TMBIM1: variants seen among roughly 807,000 people sequenced by gnomAD.
TMBIM1 encodes transmembrane BAX inhibitor motif containing 1.
TMBIM1 carries 34 observed loss-of-function variants against 45.1 expected under a neutral mutation model. The observed-to-expected ratio is 0.75, with a 90% CI of 0.57 to 1.00. TMBIM1 has a LOEUF of 1.00. TMBIM1 is among the 50% of genes least tolerant of loss of function. The pLI is 0.00. For synonymous variants in TMBIM1, 157 were observed against 153.5 expected, an observed-to-expected ratio of 1.02 and a Z score of -0.17; for missense variants, 374 against 402.4, an observed-to-expected ratio of 0.93 and a Z score of 0.60.
At chr2:218,290,668 A>G (rs1403246642) in intron 1 of TMBIM1, among the ~76,000 whole-genome samples, 1 of 152,238 alleles carries the variant, frequency 6.6e-6, no homozygotes, top group Non-Finnish European at 1.5e-5. Context: ...GGCAAAGCAC[A>G]AATCATTACA....
intron 1 of TMBIM1, among the ~76,000 whole-genome samples, chr2:218,284,696 A>G (rs1268447167): frequency 6.6e-6 from 1 of 152,184 alleles, no homozygotes; most frequent in Non-Finnish European, 1.5e-5. Context: ...AACTACCATG[A>G]CCATTTCAAC....
chr2:218,289,879 G>C (rs1032682913), intron 1 of TMBIM1: 5 of 152,236 alleles, frequency 3.3e-5, no homozygotes, highest in Admixed American at 3.3e-4. Flanking sequence ...CCTACGGCCA[G>C]CTCTTCCTGG....
chr2:218,277,480 A>G, intron 8 of TMBIM1, 27 bp from the exon 9 acceptor site: 1 of 1,612,714 alleles, frequency 6.2e-7, no homozygotes, highest in Non-Finnish European at 8.5e-7. Flanking sequence ...GTTACAGACA[A>G]GAGGCATTAA....
At chr2:218,279,933 AATTGATG>A (rs1691696477) in intron 3 of TMBIM1, 86 bp downstream of exon 3, 8 of 913,850 alleles carry the variant, frequency 8.8e-6, no homozygotes, top group Non-Finnish European at 1.5e-5. Flanking sequence ...TATTTCATGG[AATTGATG>A]CCCTGGGGCT....
intron 2 of TMBIM1, chr2:218,280,528 C>G (rs1691800240): frequency 3.8e-6 from 1 of 261,768 alleles, no homozygotes; most frequent in Non-Finnish European, 7.5e-6. Flanking sequence ...GTTTGTGCAG[C>G]AGCAGGGATA....
intron 4 of TMBIM1, 49 bp downstream of exon 4, chr2:218,279,240 C>T: frequency 3.8e-6 from 6 of 1,562,262 alleles, no homozygotes; most frequent in Non-Finnish European, 5.2e-6. Flanking sequence ...AGCAGGTGAC[C>T]CTGAACCCCC....
intron 1 of TMBIM1, among the ~76,000 whole-genome samples, chr2:218,288,851 T>C (rs1391229924): frequency 1.3e-5 from 2 of 152,154 alleles, no homozygotes; most frequent in Non-Finnish European, 2.9e-5. Context: ...TGGTCCCATT[T>C]TGGATAAGAG....
intron 7 of TMBIM1, 77 bp downstream of exon 7, chr2:218,277,858 A>G: frequency 6.3e-7 from 1 of 1,597,734 alleles, no homozygotes; most frequent in Non-Finnish European, 8.6e-7. Flanking sequence ...TCCTTCTGAA[A>G]TGGGTCCCCA....
chr2:218,284,993 G>A lies in TMBIM1; in HGVS notation c.-40-2812C>T, dbSNP rs140688206. Among the ~76,000 whole-genome samples the A allele has an allele frequency of 1.7e-4, 26 of 152,314 alleles. 2 individuals carry two copies. The East Asian group carries it at 4.8e-3, about 28-fold the overall frequency. ...GAATCCCAGTTACTCGGGAGGCTGA[G>A]GCAGGAGAATCGATTCAACCTGGGA... On this transcript the variant is annotated intron_variant, in intron 1 of 11. Coordinates refer to ENST00000258412, the MANE Select transcript of TMBIM1 (RefSeq NM_022152.6).
chr2:218,276,514 C>T (rs1197361259), intron 10 of TMBIM1, among the ~76,000 whole-genome samples: 1 of 152,184 alleles, frequency 6.6e-6, no homozygotes, highest in African/African-American at 2.4e-5. Context: ...CATGACATGC[C>T]CACAGGTGGC....
At chr2:218,289,638 A>AAC (rs1692801597) in intron 1 of TMBIM1, among the ~76,000 whole-genome samples, 3 of 151,012 alleles carry the variant, frequency 2.0e-5, no homozygotes, top group African/African-American at 7.3e-5. Flanking sequence ...AAAAAAAAAA[A>AAC]AAAAAAAACT....
At chr2:218,281,004 G>C (rs1018866847) in intron 2 of TMBIM1, 9 of 150,688 alleles carry the variant, frequency 6.0e-5, no homozygotes, top group African/African-American at 2.0e-4. Context: ...GTAGAGACAG[G>C]GTTTCACCAT....
At chr2:218,280,279 A>C (rs1691756517) in intron 2 of TMBIM1, 153 bp from the exon 3 acceptor site, 8 of 617,292 alleles carry the variant, frequency 1.3e-5, no homozygotes, top group Non-Finnish European at 2.0e-5. Context: ...TCTTCTAGAC[A>C]CCCTCAGAGT....
chr2:218,283,952 GT>G (rs1692273014), intron 1 of TMBIM1: 2 of 152,102 alleles, frequency 1.3e-5, no homozygotes, highest in Non-Finnish European at 2.9e-5. Flanking sequence ...AGATCATGAG[GT>G]CAGGAGTTCG....
At chr2:218,287,286 G>A (rs1692597865) in intron 1 of TMBIM1, 2 of 152,278 alleles carry the variant, frequency 1.3e-5, no homozygotes, top group African/African-American at 4.8e-5. Flanking sequence ...TCTTCGTCAT[G>A]GGTTTGGAAC....
At chr2:218,280,229 A>C in intron 2 of TMBIM1, 103 bp from the exon 3 acceptor site, 4 of 853,822 alleles carry the variant, frequency 4.7e-6, no homozygotes, top group Non-Finnish European at 7.8e-6. Flanking sequence ...TCCAGCCAAA[A>C]GACAAGTGTT....
chr2:218,275,413 G>T lies in TMBIM1; in HGVS notation c.*62C>A, dbSNP rs1286973216. The T allele has an allele frequency of 1.9e-6, 3 of 1,557,228 alleles. No homozygotes were observed. The highest frequency in any genetic ancestry group is 2.7e-5 in the African/African-American group (2 of 73,070). On this transcript the variant is annotated 3_prime_UTR_variant, in exon 12 of 12. Transcript: ENST00000258412. ...GCCTAAAGCCCAGACCACAGTCATA[G>T]GGCCCAGCCCTCTAGCTTGGAAGGG...
At chr2:218,283,369 G>A (rs1014921587) in intron 1 of TMBIM1, among the ~76,000 whole-genome samples, 1 of 152,192 alleles carries the variant, frequency 6.6e-6, no homozygotes, top group Admixed American at 6.5e-5. Context: ...CATGTTATGC[G>A]GTGCTCTTAT....
At chr2:218,291,583 A>C (rs1317765296) in intron 1 of TMBIM1, among the ~76,000 whole-genome samples, 2 of 152,142 alleles carry the variant, frequency 1.3e-5, no homozygotes, top group African/African-American at 2.4e-5. Context: ...TACCACGTAG[A>C]GGCCACAGAG....
Sources: allele counts gnomAD v4.1 joint callset (sites outside exome capture counted in the v4.1 genomes callset), GRCh38; gene constraint gnomAD v4.1.1; transcripts MANE v1.5; gene names NCBI Gene and HGNC (gene_info 2026-07-23, HGNC 2026-07-21).